PARD6G: variants seen among roughly 807,000 people sequenced by gnomAD.
PARD6G encodes partitioning defective 6 homolog gamma.
In PARD6G, 7 loss-of-function variants were observed where a neutral mutation model predicts 10.7. That is an observed-to-expected ratio of 0.66 (90% confidence interval 0.37 to 1.23). The LOEUF (loss-of-function observed/expected upper bound fraction) is 1.23. Ranked by LOEUF, PARD6G falls within the 50% of genes most tolerant of loss-of-function variation. The pLI is 0.02. For missense variants in PARD6G, 548 were observed against 571.8 expected, an observed-to-expected ratio of 0.96 and a Z score of 0.42; for synonymous variants, 287 against 269.4, an observed-to-expected ratio of 1.07 and a Z score of -0.64.
Position 80,247,202 on chromosome 18 carries a change from T to A in PARD6G, c.72+75A>T. 1 of 1,235,686 alleles carries A rather than the reference T, an allele frequency of 8.1e-7. No individual in the cohort carries two copies. Among genetic ancestry groups the A allele is most frequent in the Non-Finnish European group, 1.1e-6 (1 of 891,302 alleles). The allele number at this position is 1,235,686 out of a possible 1,614,324, so 76.5% of individuals were successfully genotyped here. A position where few individuals can be genotyped will look rare whatever the true frequency, so the allele number is the denominator to read the frequency against. ...GCCTGTCGCCTCCACGCCGCCCCAG[T>A]CCCCCTCCGCGGGGCGCCCCATTCA... On this transcript the variant is annotated intron_variant, in intron 1 of 2. Coordinates refer to ENST00000353265, the MANE Select transcript of PARD6G (RefSeq NM_032510.4). This position sits in a 1 kb window ranked among gnomAD's most constrained non-coding sequence, Gnocchi z 4.2.
intron 1 of PARD6G, among the ~76,000 whole-genome samples, chr18:80,208,236 T>C (rs995025205): frequency 6.6e-6 from 1 of 152,236 alleles, no homozygotes; most frequent in Non-Finnish European, 1.5e-5. Context: ...CTTTGCAAAC[T>C]ATTTATATTT....
At chr18:80,222,603 A>G (rs774702342) in intron 1 of PARD6G, among the ~76,000 whole-genome samples, 2 of 152,214 alleles carry the variant, frequency 1.3e-5, no homozygotes, top group Non-Finnish European at 2.9e-5. Context: ...GTACTAACAT[A>G]GAGACGTATA....
intron 2 of PARD6G, chr18:80,197,517 T>C (rs1396654967): frequency 6.6e-6 from 1 of 152,208 alleles, no homozygotes; most frequent in Non-Finnish European, 1.5e-5. Flanking sequence ...ATACTGATGT[T>C]AGCTTTAAAA....
At chr18:80,198,439 T>A (rs1463383917) in intron 2 of PARD6G, among the ~76,000 whole-genome samples, 2 of 152,376 alleles carry the variant, frequency 1.3e-5, no homozygotes, top group Non-Finnish European at 1.5e-5. Flanking sequence ...CCGTTGTTTT[T>A]AAATAATGAT....
chr18:80,165,694 G>A (rs573729682), intron 2 of PARD6G, among the ~76,000 whole-genome samples: 2 of 152,284 alleles, frequency 1.3e-5, no homozygotes, highest in East Asian at 3.9e-4. Flanking sequence ...TTCCCGCAAT[G>A]GATATGTCTT....
At position 80,246,948 on chromosome 18, in the gene PARD6G, C is replaced by T. The variant is rs1967558192; in HGVS notation, c.72+329G>A. 6.6e-6 allele frequency among the ~76,000 whole-genome samples: 1 copy of T among 152,112 alleles called. No homozygotes were observed. Among genetic ancestry groups the T allele is most frequent in the African/African-American group, 2.4e-5 (1 of 41,422 alleles). On this transcript the variant is annotated intron_variant, in intron 1 of 2. Transcript: ENST00000353265. The surrounding 1 kb of genome is among the most constrained non-coding windows in gnomAD (Gnocchi z 6.7). ...CAACTCGCCCCGGAAAGGCCGCCCT[C>T]CCCTCCAATGTGTGGCGCGCCCCGA...
intron 1 of PARD6G, among the ~76,000 whole-genome samples, chr18:80,218,456 C>G (rs1455543137): frequency 1.3e-5 from 2 of 152,218 alleles, no homozygotes; most frequent in Non-Finnish European, 2.9e-5. Flanking sequence ...TCCTTTGACT[C>G]CATGTCTCAC....
chr18:80,232,036 C>A (rs1967363219), intron 1 of PARD6G, among the ~76,000 whole-genome samples: 1 of 152,182 alleles, frequency 6.6e-6, no homozygotes, highest in South Asian at 2.1e-4. Context: ...CCCTTCACTG[C>A]TGGCAGGTAG....
At chr18:80,214,340 C>T (rs1474795128) in intron 1 of PARD6G, among the ~76,000 whole-genome samples, 2 of 151,348 alleles carry the variant, frequency 1.3e-5, no homozygotes, top group Non-Finnish European at 2.9e-5. Flanking sequence ...GGGGTGAGCG[C>T]CTGTAGTCTC....
chr18:80,178,677 G>C (rs2052830580), intron 2 of PARD6G, among the ~76,000 whole-genome samples: 1 of 152,238 alleles, frequency 6.6e-6, no homozygotes, highest in Non-Finnish European at 1.5e-5. Context: ...CAGGATGGGA[G>C]GGTGGAGCTC....
intron 1 of PARD6G, among the ~76,000 whole-genome samples, chr18:80,233,012 G>A (rs556212074): frequency 6.6e-6 from 1 of 152,258 alleles, no homozygotes; most frequent in South Asian, 2.1e-4. Flanking sequence ...GAGGAGTGGA[G>A]TGGGGCCTCC....
intron 2 of PARD6G, among the ~76,000 whole-genome samples, chr18:80,165,561 T>TTAAAG (rs10622839): frequency 0.85 from 128,549 of 151,232 alleles, 54,784 homozygotes; most frequent in Non-Finnish European, 0.87. Context: ...GATTAAGAGA[T>TTAAAG]TAAAGACAGG....
chr18:80,177,615 C>T (rs918701974), intron 2 of PARD6G, among the ~76,000 whole-genome samples: 1 of 150,650 alleles, frequency 6.6e-6, no homozygotes, highest in Non-Finnish European at 1.5e-5. Context: ...CACACAGACA[C>T]ACAGAATAAA....
Position 80,228,443 on chromosome 18 carries a change from G to C in PARD6G, c.72+18834C>G, listed in dbSNP as rs1967320858. On this transcript the variant is annotated intron_variant, in intron 1 of 2. Coordinates refer to ENST00000353265, the MANE Select transcript of PARD6G (RefSeq NM_032510.4). The surrounding 1 kb of genome is among the most constrained non-coding windows in gnomAD (Gnocchi z 4.6). ...CTGCTGGGTGAGTCGCAGGCACCAA[G>C]TGCCCCTACAGCTCACATTGTCTGC... Among the ~76,000 whole-genome samples, 1 of 152,104 alleles carries C rather than the reference G, an allele frequency of 6.6e-6. No homozygotes were observed. The highest frequency in any genetic ancestry group is 2.4e-5 in the African/African-American group (1 of 41,410).
At position 80,202,745 on chromosome 18, in the gene PARD6G, G is replaced by A; in HGVS notation, c.260C>T (p.Ala87Val). The stretch of plus-strand genomic sequence containing the variant: ...GATGAAGACCCTGAGCAGGGGATTT[G>A]CACTAGAAACCGCCTTGCAGAAGTT... ...DDNFCKAVSS[A>V]NPLLRVFIQK... is the part of the protein sequence containing the mutation. Residue 87 changes from alanine to valine, a missense_variant, in exon 2 of 3, where the codon GCA becomes GTA. Transcript: ENST00000353265. 6.2e-7 allele frequency: 1 copy of A among 1,613,512 alleles called. No individual in the cohort carries two copies. Among genetic ancestry groups the A allele is most frequent in the Non-Finnish European group, 8.5e-7 (1 of 1,179,998 alleles).
At chr18:80,215,397 CT>C (rs1181069961) in intron 1 of PARD6G, among the ~76,000 whole-genome samples, 1 of 152,050 alleles carries the variant, frequency 6.6e-6, no homozygotes, top group African/African-American at 2.4e-5. Flanking sequence ...ACTCATTCTT[CT>C]GATTTAAAAG....
chr18:80,202,653 T>C, intron 2 of PARD6G, 57 bp downstream of exon 2: 4 of 1,496,164 alleles, frequency 2.7e-6, no homozygotes, highest in Non-Finnish European at 3.7e-6. Flanking sequence ...AATTGAAAAC[T>C]GTATTTTAAA....
At position 80,228,282 on chromosome 18, in the gene PARD6G, G is replaced by A. The variant is rs959941100; in HGVS notation, c.72+18995C>T. Reference sequence around the variant, plus strand: ...AAGTGAAAACTGCGGAAGCCGCCATGGGGAGGTGAGGGGAGGTGAGCGGAG... The same window carrying A: ...AAGTGAAAACTGCGGAAGCCGCCATAGGGAGGTGAGGGGAGGTGAGCGGAG... On this transcript the variant is annotated intron_variant, in intron 1 of 2. Coordinates refer to ENST00000353265, the MANE Select transcript of PARD6G (RefSeq NM_032510.4). The surrounding 1 kb of genome is among the most constrained non-coding windows in gnomAD (Gnocchi z 4.6). Among the ~76,000 whole-genome samples the A allele has an allele frequency of 6.9e-6, 1 of 144,624 alleles. No homozygotes were observed. The allele number at this position is 144,624 out of a possible 152,430, so 94.9% of individuals were successfully genotyped here.
At position 80,181,946 on chromosome 18, in the gene PARD6G, C is replaced by T. The variant is rs950423012; in HGVS notation, c.295+20764G>A. ...AGACCCAGGGCTGCAGCACACAACA[C>T]GTTTCCAGTGGAGAAGCCCTTTGCA... On this transcript the variant is annotated intron_variant, in intron 2 of 2. Coordinates refer to ENST00000353265, the MANE Select transcript of PARD6G (RefSeq NM_032510.4). The surrounding 1 kb of genome is among the most constrained non-coding windows in gnomAD (Gnocchi z 7.9). Among the ~76,000 whole-genome samples the T allele has an allele frequency of 5.3e-5, 8 of 152,202 alleles. No individual in the cohort carries two copies. The highest frequency in any genetic ancestry group is 1.4e-4 in the African/African-American group (6 of 41,452).
Sources: gnomAD v4.1 joint callset for allele counts (sites outside exome capture counted in the v4.1 genomes callset) on GRCh38, gnomAD v4.1.1 for gene constraint, Gnocchi (gnomAD v3.1) non-coding constraint, MANE v1.5 for transcripts, NCBI Gene and HGNC (gene_info 2026-07-23, HGNC 2026-07-21) for gene names.